The following MAP2 variants were observed in gnomAD, a reference collection of about 807,000 sequenced individuals.
MAP2 encodes microtubule associated protein 2, also known as microtubule-associated protein 2.
A neutral mutation model predicts 137.6 loss-of-function variants in MAP2; 14 were observed. The ratio of observed to expected loss-of-function variants is 0.10; its 90% confidence interval spans 0.07 to 0.16. The LOEUF (loss-of-function observed/expected upper bound fraction) is 0.16. Ranked by LOEUF, MAP2 falls within the 10% of genes least tolerant of loss-of-function variation. The pLI is 1.00. For missense variants in MAP2, 2,088 were observed against 2,191.5 expected (o/e 0.95, Z 0.94); for synonymous variants, 786 against 782.3 (o/e 1.00, Z -0.08).
At chr2:209,486,943 T>C (rs2149910676) in intron 1 of MAP2, among the ~76,000 whole-genome samples, 1 of 152,346 alleles carries the variant, frequency 6.6e-6, no homozygotes, top group East Asian at 1.9e-4. Flanking sequence ...TGGGAAACCC[T>C]AACTTTTGCT....
chr2:209,690,566 C>A (rs1231185988), intron 7 of MAP2: 1 of 1,252,386 alleles, frequency 8.0e-7, no homozygotes, highest in Non-Finnish European at 1.0e-6. Context: ...ATGTATTGTT[C>A]TGTGGTCATG....
chr2:209,481,499 G>C (rs1012097483), intron 1 of MAP2, among the ~76,000 whole-genome samples: 2 of 152,166 alleles, frequency 1.3e-5, no homozygotes, highest in Non-Finnish European at 2.9e-5. Flanking sequence ...TGAATTCCTA[G>C]CTGTCAACCA....
chr2:209,712,873 A>G (rs779402254), intron 13 of MAP2, among the ~76,000 whole-genome samples: 14 of 152,180 alleles, frequency 9.2e-5, no homozygotes, highest in Non-Finnish European at 1.8e-4. Flanking sequence ...ATACATGCAT[A>G]CCGTTGAAGA....
intron 1 of MAP2, among the ~76,000 whole-genome samples, chr2:209,502,190 C>T (rs1265144361): frequency 6.6e-6 from 1 of 152,120 alleles, no homozygotes; most frequent in Non-Finnish European, 1.5e-5. Flanking sequence ...CATTAGACCT[C>T]TAGGTTTAGT....
chr2:209,454,559 A>G (rs1194530784), intron 1 of MAP2, among the ~76,000 whole-genome samples: 2 of 151,770 alleles, frequency 1.3e-5, no homozygotes, highest in African/African-American at 4.8e-5. Flanking sequence ...CTGGTCATGA[A>G]CTCCTGACCT....
rs369269670 is a variant in MAP2, at chr2:209,681,902, C to G, written c.454+1075C>G. Among the ~76,000 whole-genome samples, 49 of 151,920 alleles carry G rather than the reference C, an allele frequency of 3.2e-4. No homozygotes were observed. The East Asian group carries it at 7.8e-3, about 24-fold the overall frequency. ...TTTATTTTGTCACAGATTTATAAAC[C>G]TAAATTTATTTTAGCAAGGTTTTTC... On this transcript the variant is annotated intron_variant, in intron 7 of 15. Transcript: ENST00000682079.
rs201825132 is a variant in MAP2 at position 209,434,314 on chromosome 2, TA to T, written c.-222+10039del. Reference sequence around the variant, plus strand: ...GCATGCCCTCAATAAACAAAATTATTATTTTTTTATTTTGTCATATTATGAT... The same window carrying T: ...GCATGCCCTCAATAAACAAAATTATTTTTTTTTATTTTGTCATATTATGAT... On this transcript the variant is annotated intron_variant, in intron 1 of 15. Coordinates refer to ENST00000682079, the MANE Select transcript of MAP2 (RefSeq NM_001375505.1). Among the ~76,000 whole-genome samples, 1,386 of 151,762 alleles carry T rather than the reference TA, an allele frequency of 9.1e-3. 17 individuals carry two copies. Among genetic ancestry groups the T allele is most frequent in the South Asian group, 0.029 (139 of 4,798 alleles).
intron 4 of MAP2, among the ~76,000 whole-genome samples, chr2:209,650,724 C>A (rs933373434): frequency 6.6e-6 from 1 of 152,120 alleles, no homozygotes; most frequent in African/African-American, 2.4e-5. Context: ...CAAAATATTT[C>A]AAATAGGGAA....
intron 3 of MAP2, among the ~76,000 whole-genome samples, chr2:209,601,025 C>T (rs998901193): frequency 5.3e-5 from 8 of 152,134 alleles, no homozygotes; most frequent in Non-Finnish European, 7.3e-5. Context: ...CTGTATGGCT[C>T]TTGTCAAGTT....
intron 15 of MAP2, 58 bp downstream of exon 15, chr2:209,730,020 C>A: frequency 2.3e-6 from 3 of 1,331,460 alleles, no homozygotes; most frequent in Non-Finnish European, 3.2e-6. Flanking sequence ...TTCTGAAATA[C>A]TCTTCATCAA....
intron 13 of MAP2, 24 bp from the exon 14 acceptor site, chr2:209,725,685 G>A: frequency 6.7e-7 from 1 of 1,495,624 alleles, no homozygotes. Flanking sequence ...ACTATTTTAA[G>A]CATGTTTTAT....
intron 1 of MAP2, among the ~76,000 whole-genome samples, chr2:209,467,506 A>G (rs1217613115): frequency 6.6e-6 from 1 of 152,088 alleles, no homozygotes; most frequent in African/African-American, 2.4e-5. Context: ...GCCTGGAATG[A>G]TCTCACCATT....
chr2:209,479,253 TATTTA>T (rs1708150240), intron 1 of MAP2, among the ~76,000 whole-genome samples: 1 of 152,154 alleles, frequency 6.6e-6, no homozygotes, highest in African/African-American at 2.4e-5. Flanking sequence ...TAAGGTTCTG[TATTTA>T]ATTAAAATTA....
At chr2:209,561,871 G>A (rs918086237) in intron 2 of MAP2, among the ~76,000 whole-genome samples, 4 of 152,118 alleles carry the variant, frequency 2.6e-5, no homozygotes, top group Non-Finnish European at 4.4e-5. Context: ...AAGGCACATT[G>A]ATGAAGCACT....
chr2:209,559,373 C>T (rs2071436839), intron 2 of MAP2, among the ~76,000 whole-genome samples: 1 of 151,164 alleles, frequency 6.6e-6, no homozygotes, highest in Non-Finnish European at 1.5e-5. Flanking sequence ...GTGGCTCACA[C>T]CTGTAATCCC....
intron 3 of MAP2, among the ~76,000 whole-genome samples, chr2:209,582,657 T>TGACAGATA (rs952081476): frequency 1.3e-5 from 2 of 149,632 alleles, no homozygotes; most frequent in African/African-American, 5.0e-5. Context: ...GATAGATAGA[T>TGACAGATA]GATAGATAGA....
intron 5 of MAP2, among the ~76,000 whole-genome samples, chr2:209,664,829 G>A (rs1031249159): frequency 3.3e-5 from 5 of 151,656 alleles, no homozygotes; most frequent in Non-Finnish European, 5.9e-5. Flanking sequence ...GCTTGGTGGT[G>A]CATGCCTGTA....
At chr2:209,704,624 A>G in intron 11 of MAP2, 2 of 1,589,426 alleles carry the variant, frequency 1.3e-6, no homozygotes, top group Non-Finnish European at 1.7e-6. Flanking sequence ...GAACAAGGTA[A>G]GGCGGCAGGT....
At position 209,678,503 on chromosome 2, in the gene MAP2, G is replaced by A. The variant is rs41265967; in HGVS notation, c.263-69G>A. 3,235 of 727,710 alleles carry A rather than the reference G, an allele frequency of 4.4e-3. 14 individuals carry two copies. The highest frequency in any genetic ancestry group is 6.1e-3 in the Non-Finnish European group (2,706 of 443,660). 45.1% of individuals were successfully genotyped at this position (727,710 alleles called of 1,614,324 possible). On this transcript the variant is annotated intron_variant, in intron 5 of 15. Coordinates refer to ENST00000682079, the MANE Select transcript of MAP2 (RefSeq NM_001375505.1). ...GAAATTATAATCCACTATACTGTTT[G>A]GTTACTTTTCCTCTTTGCTTTCTCA...
Sources: allele counts gnomAD v4.1 joint callset (sites outside exome capture counted in the v4.1 genomes callset), GRCh38; gene constraint gnomAD v4.1.1; transcripts MANE v1.5; gene names NCBI Gene and HGNC (gene_info 2026-07-23, HGNC 2026-07-21).